SPMIP4: variants seen among roughly 807,000 people sequenced by gnomAD.
SPMIP4 encodes sperm-associated microtubule inner protein 4.
At chr7:25,125,836 G>A in the SPMIP4 span, 1 of 844,766 alleles carries the variant, frequency 1.2e-6, no homozygotes, top group East Asian at 1.2e-4. Context: ...AGTTACACGA[G>A]TTGGGCACCA....
the SPMIP4 span, among the ~76,000 whole-genome samples, chr7:25,145,274 T>C: frequency 6.6e-6 from 1 of 152,130 alleles, no homozygotes; most frequent in South Asian, 2.1e-4. Flanking sequence ...AAGAAGGACT[T>C]TTAAAAAAAT....
the SPMIP4 span, among the ~76,000 whole-genome samples, chr7:25,162,046 G>A: frequency 1.1e-4 from 17 of 151,820 alleles, no homozygotes; most frequent in African/African-American, 3.6e-4. Flanking sequence ...TGAGGTCGGC[G>A]GATCACTTGA....
At chr7:25,149,287 A>C in the SPMIP4 span, among the ~76,000 whole-genome samples, 2 of 97,716 alleles carry the variant, frequency 2.0e-5, no homozygotes, top group African/African-American at 5.8e-5. Flanking sequence ...AGAACACTGT[A>C]GATTACCTCC....
At chr7:25,154,711 AT>A in the SPMIP4 span, among the ~76,000 whole-genome samples, 5 of 152,152 alleles carry the variant, frequency 3.3e-5, no homozygotes, top group Non-Finnish European at 5.9e-5. Context: ...CAGGAAAGAA[AT>A]AAAAATAGAA....
chr7:25,137,305 T>TC, the SPMIP4 span, among the ~76,000 whole-genome samples: 6 of 135,414 alleles, frequency 4.4e-5, no homozygotes, highest in African/African-American at 1.3e-4. Context: ...AATTTTCTTT[T>TC]TTTTTTTTTT....
the SPMIP4 span, chr7:25,142,801 A>G: frequency 2.0e-5 from 31 of 1,541,120 alleles, no homozygotes; most frequent in African/African-American, 3.1e-4. Flanking sequence ...ATTTTTCTCA[A>G]CACCTCTGGG....
chr7:25,160,320 T>C, the SPMIP4 span, among the ~76,000 whole-genome samples: 3 of 75,966 alleles, frequency 3.9e-5, no homozygotes, highest in South Asian at 5.2e-4. Context: ...TTGTTTGAGA[T>C]GGAGTTTTGC....
the SPMIP4 span, among the ~76,000 whole-genome samples, chr7:25,166,233 C>CTTCTTTTT: frequency 6.9e-5 from 9 of 131,208 alleles, no homozygotes; most frequent in Middle Eastern, 3.7e-3. Context: ...TTTCCGTCTT[C>CTTCTTTTT]TTTTTTTTTT....
the SPMIP4 span, among the ~76,000 whole-genome samples, chr7:25,130,256 AAAAG>A: frequency 0.19 from 28,561 of 150,124 alleles, 3,394 homozygotes; most frequent in African/African-American, 0.34. Context: ...AAAAAAACAA[AAAAG>A]AAAGAAAAGA....
chr7:25,160,000 AT>A, the SPMIP4 span, among the ~76,000 whole-genome samples: 459 of 149,942 alleles, frequency 3.1e-3, 2 homozygotes, highest in African/African-American at 0.011. Flanking sequence ...AAAAAAAAAA[AT>A]AAATTTAAAA....
chr7:25,154,514 C>A, the SPMIP4 span, among the ~76,000 whole-genome samples: 1 of 152,120 alleles, frequency 6.6e-6, no homozygotes, highest in Non-Finnish European at 1.5e-5. Flanking sequence ...GCTGGGAGAA[C>A]CTGCTCCAGG....
the SPMIP4 span, among the ~76,000 whole-genome samples, chr7:25,164,669 G>A: frequency 7.5e-6 from 1 of 133,074 alleles, no homozygotes; most frequent in African/African-American, 3.3e-5. Flanking sequence ...GGGAACAGGT[G>A]GTGAATAAAT....
the SPMIP4 span, chr7:25,136,311 A>G: frequency 6.2e-7 from 1 of 1,614,190 alleles, no homozygotes; most frequent in Non-Finnish European, 8.5e-7. This position sits in a 1 kb window ranked among gnomAD's most constrained non-coding sequence, Gnocchi z 5.7. Flanking sequence ...CAGGGTCTGG[A>G]CACATATTAT....
At chr7:25,140,942 T>A in the SPMIP4 span, among the ~76,000 whole-genome samples, 1 of 152,212 alleles carries the variant, frequency 6.6e-6, no homozygotes, top group Non-Finnish European at 1.5e-5. Flanking sequence ...TTTTTCCTTG[T>A]GTTTTTCACA....
At chr7:25,148,301 T>A in the SPMIP4 span, among the ~76,000 whole-genome samples, 6 of 152,102 alleles carry the variant, frequency 3.9e-5, no homozygotes, top group Non-Finnish European at 7.4e-5. Flanking sequence ...GAGCCTGGTG[T>A]GGTCGTGCAC....
chr7:25,139,683 GA>G, the SPMIP4 span, among the ~76,000 whole-genome samples: 1 of 152,158 alleles, frequency 6.6e-6, no homozygotes, highest in Non-Finnish European at 1.5e-5. Context: ...ATACTGTGAT[GA>G]AAAAACTTCA....
At chr7:25,144,471 T>A in the SPMIP4 span, among the ~76,000 whole-genome samples, 1 of 152,144 alleles carries the variant, frequency 6.6e-6, no homozygotes, top group Non-Finnish European at 1.5e-5. Flanking sequence ...AGGCATGCAG[T>A]CATGTTTTGG....
chr7:25,143,575 T>A, the SPMIP4 span, among the ~76,000 whole-genome samples: 1 of 139,076 alleles, frequency 7.2e-6, no homozygotes, highest in Non-Finnish European at 1.5e-5. Flanking sequence ...ATAAAAGAAG[T>A]AAAGACACTT....
chr7:25,140,611 GTTTT>G, the SPMIP4 span, among the ~76,000 whole-genome samples: 1 of 148,022 alleles, frequency 6.8e-6, no homozygotes, highest in Admixed American at 6.8e-5. Context: ...CCTCAGCTCA[GTTTT>G]TTTGTTTTCT....
Sources: allele counts gnomAD v4.1 joint callset (sites outside exome capture counted in the v4.1 genomes callset), GRCh38; gene constraint gnomAD v4.1.1; non-coding constraint Gnocchi (gnomAD v3.1); transcripts MANE v1.5; gene names NCBI Gene and HGNC (gene_info 2026-07-23, HGNC 2026-07-21).